Variants in ME3 observed in about 807,000 individuals in gnomAD.
ME3 encodes the protein NADP-dependent malic enzyme, mitochondrial.
A neutral mutation model predicts 68.9 loss-of-function variants in ME3; 48 were observed. The ratio of observed to expected loss-of-function variants is 0.70; its 90% CI spans 0.55 to 0.89. ME3 has a LOEUF of 0.89. Ranked by LOEUF, ME3 falls within the 40% of genes least tolerant of loss-of-function variation. The pLI is 0.00. For missense variants in ME3, 675 were observed against 797.4 expected (o/e 0.85, Z 1.85); for synonymous variants, 320 against 318.8 (o/e 1.00, Z -0.04).
intron 6 of ME3, among the ~76,000 whole-genome samples, chr11:86,492,471 C>G (rs1280853764): frequency 6.6e-6 from 1 of 152,248 alleles, no homozygotes; most frequent in Non-Finnish European, 1.5e-5. Context: ...ATCATGGTTT[C>G]TAGACCAGGA....
At chr11:86,476,655 A>G (rs1951096691) in intron 7 of ME3, among the ~76,000 whole-genome samples, 1 of 151,922 alleles carries the variant, frequency 6.6e-6, no homozygotes, top group Non-Finnish European at 1.5e-5. Flanking sequence ...CACACGGACC[A>G]TACTGCTCCC....
intron 4 of ME3, among the ~76,000 whole-genome samples, chr11:86,512,583 A>C (rs1953617865): frequency 1.3e-5 from 2 of 152,248 alleles, no homozygotes; most frequent in Admixed American, 1.3e-4. Context: ...GAACAAAGGC[A>C]ACTTGTGTGT....
At chr11:86,635,429 C>T (rs1944273004) in intron 2 of ME3, among the ~76,000 whole-genome samples, 1 of 152,208 alleles carries the variant, frequency 6.6e-6, no homozygotes, top group Non-Finnish European at 1.5e-5. Context: ...GAATAAGCCA[C>T]ACAGTCTATG....
chr11:86,603,399 A>C (rs1961057826), intron 2 of ME3, among the ~76,000 whole-genome samples: 1 of 152,230 alleles, frequency 6.6e-6, no homozygotes, highest in South Asian at 2.1e-4. Context: ...CCACAATGAG[A>C]TACCATCTCA....
chr11:86,549,360 T>C lies in ME3; in HGVS notation c.467+7193A>G, dbSNP rs545866548. 2.6e-5 allele frequency among the ~76,000 whole-genome samples: 4 copies of C among 152,346 alleles called. No homozygotes were observed. The South Asian group carries it at 8.3e-4, about 32-fold the overall frequency. Reference sequence around the variant, plus strand: ...GCCCTTATCTCCTCTTTCCATAATATTCCTTTACTTCCAGGTCTATTACTT... The same window carrying C: ...GCCCTTATCTCCTCTTTCCATAATACTCCTTTACTTCCAGGTCTATTACTT... On this transcript the variant is annotated intron_variant, in intron 4 of 14. Transcript: ENST00000543262.
chr11:86,487,488 T>G (rs771981293), intron 6 of ME3, 48 bp from the exon 7 acceptor site: 4 of 712,742 alleles, frequency 5.6e-6, no homozygotes, highest in South Asian at 2.8e-5. Context: ...GGTGTTCCTG[T>G]TTTTTTTTTT....
chr11:86,579,144 C>G (rs568321093), intron 2 of ME3, among the ~76,000 whole-genome samples: 11 of 152,218 alleles, frequency 7.2e-5, no homozygotes, highest in Non-Finnish European at 1.6e-4. Context: ...CCCCTGCCTT[C>G]ACTGAGTTTC....
chr11:86,514,677 C>T (rs1309984216), intron 4 of ME3, among the ~76,000 whole-genome samples: 1 of 152,216 alleles, frequency 6.6e-6, no homozygotes, highest in Non-Finnish European at 1.5e-5. Context: ...AGTTACTTCC[C>T]TTCTTCAAGC....
At chr11:86,477,361 G>GAAT (rs10676754) in intron 7 of ME3, among the ~76,000 whole-genome samples, 139,357 of 152,050 alleles carry the variant, frequency 0.92, 63,991 homozygotes, top group Non-Finnish European at 0.95. Context: ...AAAATAAAGT[G>GAAT]AATAGTACCT....
In ME3 at chr11:86,498,140, G is replaced by GCA. The variant is rs1952485545; in HGVS notation, c.544-18_544-17dup. ...CCACCACGGCCTGAAAAACAGCAGG[G>GCA]CACCATCAATCAGGGACAGCACTTC... On this transcript the variant is annotated splice_polypyrimidine_tract_variant and intron_variant, in intron 5 of 14. Coordinates refer to ENST00000543262, the Ensembl canonical transcript of ME3. 1 of 1,603,172 alleles carries GCA rather than the reference G, an allele frequency of 6.2e-7. No individual in the cohort carries two copies. The highest frequency in any genetic ancestry group is 1.1e-5 in the South Asian group (1 of 89,490).
intron 7 of ME3, among the ~76,000 whole-genome samples, chr11:86,475,428 A>G (rs1266748997): frequency 6.6e-6 from 1 of 152,204 alleles, no homozygotes; most frequent in Admixed American, 6.5e-5. Context: ...CGGCAGAACC[A>G]TGAGCTAATT....
At chr11:86,608,100 A>G (rs539662667) in intron 2 of ME3, among the ~76,000 whole-genome samples, 15 of 152,352 alleles carry the variant, frequency 9.8e-5, no homozygotes, top group Admixed American at 7.8e-4. Flanking sequence ...TTACAATGCA[A>G]AAGAAACCAA....
chr11:86,465,101 A>G (rs1368385152), exon 8 of ME3: 1 of 1,612,142 alleles, frequency 6.2e-7, no homozygotes, highest in South Asian at 1.1e-5. Context: ...CTTGGATGTC[A>G]TCATTGAACA....
At chr11:86,471,141 C>CTTTTTTTTTTTTTTTTTTTTT (rs1163128094) in intron 7 of ME3, among the ~76,000 whole-genome samples, 2 of 75,036 alleles carry the variant, frequency 2.7e-5, no homozygotes, top group African/African-American at 1.3e-4. Context: ...AGGCCCAGAG[C>CTTTTTTTTTTTTTTTTTTTTT]TTTTTTTTTT....
chr11:86,593,576 T>G (rs898356661), intron 2 of ME3, among the ~76,000 whole-genome samples: 1 of 146,448 alleles, frequency 6.8e-6, no homozygotes. Context: ...TCTGATACAT[T>G]TTCTCCCAAG....
intron 2 of ME3, 36 bp from the exon 3 acceptor site, chr11:86,559,859 TGC>T: frequency 6.2e-7 from 1 of 1,604,314 alleles, no homozygotes. Flanking sequence ...CACACATAAG[TGC>T]ATACTCAGGA....
At chr11:86,583,205 C>T (rs1253049700) in intron 2 of ME3, among the ~76,000 whole-genome samples, 1 of 152,152 alleles carries the variant, frequency 6.6e-6, no homozygotes, top group African/African-American at 2.4e-5. Context: ...TGAGCACAGA[C>T]TGTGTGATAT....
At chr11:86,625,306 T>G (rs1943592224) in intron 2 of ME3, among the ~76,000 whole-genome samples, 1 of 151,716 alleles carries the variant, frequency 6.6e-6, no homozygotes, top group South Asian at 2.1e-4. Flanking sequence ...CGCAGCAAGA[T>G]CTAAGAATGA....
intron 2 of ME3, among the ~76,000 whole-genome samples, chr11:86,602,921 T>C (rs1412700669): frequency 2.6e-5 from 4 of 152,094 alleles, no homozygotes; most frequent in African/African-American, 4.8e-5. Context: ...AACTGGATCC[T>C]TTCCTTACAC....
Sources: gnomAD v4.1 joint callset for allele counts (sites outside exome capture counted in the v4.1 genomes callset) on GRCh38, gnomAD v4.1.1 for gene constraint, MANE v1.5 for transcripts, NCBI Gene and HGNC (gene_info 2026-07-23, HGNC 2026-07-21) for gene names.